Variants in NUP160 observed in about 807,000 individuals in gnomAD.
The protein encoded by NUP160 is nuclear pore complex protein Nup160.
NUP160 carries 94 observed loss-of-function variants against 196.9 expected under a neutral mutation model. The ratio of observed to expected loss-of-function variants is 0.48; its 90% CI spans 0.40 to 0.57. NUP160 has a LOEUF of 0.57. Among genes scored for constraint, NUP160 ranks in the 20% least tolerant of loss-of-function variants. The probability of loss-of-function intolerance (pLI) is 0.00; values close to 1 mark genes in which losing one functional copy is unlikely to be tolerated. For synonymous variants in NUP160, 605 were observed against 619.7 expected (o/e 0.98, Z 0.35); for missense variants, 1,638 against 1,748.3 (o/e 0.94, Z 1.13).
exon 30 of NUP160, chr11:47,788,602 T>G (rs1451892535): frequency 6.2e-7 from 1 of 1,612,524 alleles, no homozygotes; most frequent in African/African-American, 1.3e-5. Flanking sequence ...GATTTCAATT[T>G]GTCGATTTGC....
chr11:47,795,324 C>T (rs1418377572), intron 27 of NUP160, among the ~76,000 whole-genome samples: 1 of 152,100 alleles, frequency 6.6e-6, no homozygotes, highest in East Asian at 1.9e-4. Context: ...TCTAGAAAAA[C>T]CTGAACATTA....
intron 23 of NUP160, among the ~76,000 whole-genome samples, chr11:47,800,240 C>CA (rs147655167): frequency 0.23 from 26,240 of 115,808 alleles, 2,787 homozygotes; most frequent in East Asian, 0.33. Context: ...GACTCCGTCT[C>CA]AAAAAAAAAA....
chr11:47,839,276 A>C (rs1852248772), intron 4 of NUP160, among the ~76,000 whole-genome samples: 2 of 152,224 alleles, frequency 1.3e-5, no homozygotes, highest in South Asian at 4.1e-4. Context: ...TTTTTAGTAG[A>C]GACGGGGTTT....
At chr11:47,817,782 T>C (rs183184431) in intron 11 of NUP160, among the ~76,000 whole-genome samples, 41 of 152,364 alleles carry the variant, frequency 2.7e-4, no homozygotes, top group Non-Finnish European at 5.7e-4. Context: ...CAGTATGGTA[T>C]CTTTTTACAG....
intron 7 of NUP160, 48 bp downstream of exon 7, chr11:47,835,603 C>T: frequency 2.1e-6 from 3 of 1,457,368 alleles, no homozygotes; most frequent in Non-Finnish European, 2.8e-6. Flanking sequence ...CATTTCTCCA[C>T]ATCAGTACAC....
intron 32 of NUP160, 35 bp from the exon 33 acceptor site, chr11:47,785,098 A>ATTATTTTTTTTTTTTTTTTTTT: frequency 8.8e-7 from 1 of 1,137,368 alleles, no homozygotes; most frequent in Non-Finnish European, 1.2e-6. Flanking sequence ...TGAGTTTCAG[A>ATTATTTTTTTTTTTTTTTTTTT]TTCTTAATAG....
chr11:47,822,220 C>T (rs551964810), intron 7 of NUP160, 56 bp from the exon 8 acceptor site: 38 of 1,238,404 alleles, frequency 3.1e-5, no homozygotes, highest in East Asian at 4.7e-5. Flanking sequence ...TGTTACTTTT[C>T]GAAGCAAGGG....
intron 7 of NUP160, among the ~76,000 whole-genome samples, chr11:47,824,697 G>T (rs1293281432): frequency 6.6e-6 from 1 of 152,062 alleles, no homozygotes; most frequent in Non-Finnish European, 1.5e-5. Flanking sequence ...GCAGTGCAGT[G>T]ACATGATCGT....
intron 27 of NUP160, chr11:47,796,152 TAAAAAAA>T: frequency 1.7e-5 from 2 of 118,172 alleles, no homozygotes; most frequent in South Asian, 2.1e-4. Context: ...AGACTTCATC[TAAAAAAA>T]AAAAAAAAAA....
At chr11:47,810,889 C>T (rs185337781) in intron 17 of NUP160, among the ~76,000 whole-genome samples, 2 of 152,212 alleles carry the variant, frequency 1.3e-5, no homozygotes, top group East Asian at 3.9e-4. Context: ...TACATTTATA[C>T]ATTTTAAGTC....
Position 47,788,406 on chromosome 11 carries a change from C to A in NUP160, c.3622+95G>T. On this transcript the variant is annotated intron_variant, in intron 30 of 35. Transcript: ENST00000378460. ...GAGTATCTCTGAGTAATAACCCAGG[C>A]TTTATACCCATCTACCATGCTACAT... The A allele has an allele frequency of 3.2e-6, 5 of 1,553,924 alleles. No individual in the cohort carries two copies. The South Asian group carries it at 5.6e-5, about 18-fold the overall frequency.
chr11:47,791,802 A>G (rs769250163), intron 29 of NUP160, 128 bp downstream of exon 29: 32 of 648,676 alleles, frequency 4.9e-5, no homozygotes, highest in Non-Finnish European at 7.1e-5. Context: ...GGCAACTGTT[A>G]CTACTATAAC....
chr11:47,790,166 A>G (rs2097667101), intron 29 of NUP160, among the ~76,000 whole-genome samples: 1 of 151,828 alleles, frequency 6.6e-6, no homozygotes, highest in African/African-American at 2.4e-5. Flanking sequence ...GCTGGTCTCA[A>G]AACTCCCAAC....
At chr11:47,846,244 T>G (rs1852401511) in intron 2 of NUP160, among the ~76,000 whole-genome samples, 1 of 152,060 alleles carries the variant, frequency 6.6e-6, no homozygotes, top group Non-Finnish European at 1.5e-5. Flanking sequence ...CCCAAAGTGC[T>G]GGGATTACAG....
In NUP160 at chr11:47,798,149, A is replaced by C. The variant is rs746186078; in HGVS notation, c.3086+19T>G. ...CAGAGTTGGTAAATTGTCTTCTCTA[A>C]AAAAGGCCATGAAATTACCTGCTGG... On this transcript the variant is annotated intron_variant, in intron 25 of 35. Coordinates refer to ENST00000378460, the Ensembl canonical transcript of NUP160. The C allele has an allele frequency of 1.9e-6, 3 of 1,594,050 alleles. No homozygotes were observed. The highest frequency in any genetic ancestry group is 4.5e-5 in the East Asian group (2 of 44,690).
chr11:47,848,479 G>C (rs1599355774), upstream of NUP160: 1 of 1,344,268 alleles, frequency 7.4e-7, no homozygotes, highest in African/African-American at 1.5e-5. Flanking sequence ...GGGAGAATGA[G>C]GGTGGGCAGC....
chr11:47,821,691 T>G, intron 9 of NUP160, 33 bp downstream of exon 9: 3 of 1,498,208 alleles, frequency 2.0e-6, no homozygotes, highest in Non-Finnish European at 2.8e-6. Context: ...TTGCTTGGGG[T>G]GAGGTAGGAT....
At chr11:47,797,046 T>C (rs970184037) in intron 27 of NUP160, among the ~76,000 whole-genome samples, 15 of 152,218 alleles carry the variant, frequency 9.9e-5, no homozygotes, top group African/African-American at 3.6e-4. Context: ...ATTGAGGGGA[T>C]GTGGGACAAT....
intron 34 of NUP160, among the ~76,000 whole-genome samples, chr11:47,780,698 G>C (rs539226009): frequency 6.6e-6 from 1 of 152,040 alleles, no homozygotes; most frequent in Admixed American, 6.6e-5. Flanking sequence ...ACCATGCCTA[G>C]CTAATTTTTT....
Sources: allele counts gnomAD v4.1 joint callset (sites outside exome capture counted in the v4.1 genomes callset), GRCh38; gene constraint gnomAD v4.1.1; transcripts MANE v1.5; gene names NCBI Gene and HGNC (gene_info 2026-07-23, HGNC 2026-07-21).